The following GPHN variants were observed in gnomAD, a reference collection of about 807,000 sequenced individuals.
GPHN encodes the protein gephyrin.
Under a neutral mutation model 95.5 loss-of-function variants are expected in GPHN, and 17 were observed. The observed-to-expected ratio is 0.18, with a 90% confidence interval of 0.12 to 0.27. The LOEUF (loss-of-function observed/expected upper bound fraction) is 0.27. GPHN is among the 10% of genes least tolerant of loss of function. The pLI is 1.00. For missense variants in GPHN, 660 were observed against 978.1 expected, an observed-to-expected ratio of 0.67 and a Z score of 4.34; for synonymous variants, 320 against 322.5, an observed-to-expected ratio of 0.99 and a Z score of 0.08.
At chr14:67,224,768 A>G in the GPHN span, 1 of 250,594 alleles carries the variant, frequency 4.0e-6, no homozygotes, top group Non-Finnish European at 7.8e-6. Flanking sequence ...TTTCCTTCCT[A>G]CCCTTACCCA....
At chr14:66,747,061 CAT>C (rs1313808189) in intron 2 of GPHN, among the ~76,000 whole-genome samples, 1 of 152,186 alleles carries the variant, frequency 6.6e-6, no homozygotes, top group Non-Finnish European at 1.5e-5. Flanking sequence ...ACTCACACCA[CAT>C]AGTGCTCAGT....
In GPHN at chr14:66,895,456, A is replaced by G. The variant is rs374878292; in HGVS notation, c.389+15423A>G. Among the ~76,000 whole-genome samples the G allele has an allele frequency of 1.2e-4, 19 of 152,066 alleles. 1 individual carries two copies. The highest frequency in any genetic ancestry group is 1.2e-3 in the South Asian group (6 of 4,826). On this transcript the variant is annotated intron_variant, in intron 5 of 22. Transcript: ENST00000478722. ...AAACCAACATGGCACATGTATACAT[A>G]TGTAACAAACCTGCACATTGTGCAC...
At chr14:66,545,866 A>AC (rs1171652604) in intron 1 of GPHN, among the ~76,000 whole-genome samples, 14 of 127,876 alleles carry the variant, frequency 1.1e-4, no homozygotes, top group African/African-American at 2.2e-4. Flanking sequence ...CGGGGGGCTG[A>AC]CCCCCCCACC....
chr14:67,483,704 C>A, the GPHN span, among the ~76,000 whole-genome samples: 2 of 152,228 alleles, frequency 1.3e-5, no homozygotes, highest in Non-Finnish European at 2.9e-5. Flanking sequence ...CACCAGGACA[C>A]ACACAACCCA....
intron 5 of GPHN, among the ~76,000 whole-genome samples, chr14:66,906,655 G>A (rs778664464): frequency 1.3e-5 from 2 of 152,152 alleles, no homozygotes; most frequent in Non-Finnish European, 2.9e-5. Context: ...CTGTTGAGAG[G>A]AGTGAAGTCA....
intron 1 of GPHN, among the ~76,000 whole-genome samples, chr14:66,658,085 T>C (rs548764579): frequency 6.6e-6 from 1 of 152,284 alleles, no homozygotes; most frequent in South Asian, 2.1e-4. Context: ...AATAAAACTT[T>C]AGAAATTGAT....
chr14:66,800,529 G>C (rs1037416172), intron 3 of GPHN, among the ~76,000 whole-genome samples: 5 of 151,816 alleles, frequency 3.3e-5, no homozygotes, highest in African/African-American at 4.8e-5. Flanking sequence ...GGTTTCCACT[G>C]AAAAATCTGC....
chr14:67,188,162 AGGGAC>A, the GPHN span, among the ~76,000 whole-genome samples: 1 of 152,180 alleles, frequency 6.6e-6, no homozygotes, highest in Non-Finnish European at 1.5e-5. Flanking sequence ...CCATCTCATG[AGGGAC>A]AAAGAGGGCT....
intron 2 of GPHN, among the ~76,000 whole-genome samples, chr14:66,768,111 T>A (rs1032257814): frequency 1.3e-5 from 2 of 151,866 alleles, no homozygotes; most frequent in African/African-American, 4.8e-5. Flanking sequence ...TGAGGAAGAT[T>A]AAAGTTAACT....
intron 6 of GPHN, among the ~76,000 whole-genome samples, chr14:66,920,336 A>G (rs2066150344): frequency 2.0e-5 from 3 of 151,964 alleles, no homozygotes; most frequent in African/African-American, 7.2e-5. Context: ...ACAAGTTTTT[A>G]GAATGTATTT....
At chr14:67,374,963 T>G in the GPHN span, among the ~76,000 whole-genome samples, 45 of 152,218 alleles carry the variant, frequency 3.0e-4, no homozygotes, top group Non-Finnish European at 5.3e-4. Flanking sequence ...GACAACCAGC[T>G]GTTATATGTT....
chr14:66,516,961 C>G (rs1339452579), intron 1 of GPHN, among the ~76,000 whole-genome samples: 1 of 151,524 alleles, frequency 6.6e-6, no homozygotes, highest in East Asian at 1.9e-4. Flanking sequence ...GAAACCCCAC[C>G]TCTACTAAAA....
intron 9 of GPHN, among the ~76,000 whole-genome samples, chr14:66,967,957 T>A (rs1279461194): frequency 6.6e-6 from 1 of 151,894 alleles, no homozygotes; most frequent in Non-Finnish European, 1.5e-5. Context: ...GTGTCACCAA[T>A]CAAGAACTCT....
At chr14:66,603,759 A>C (rs1363353199) in intron 1 of GPHN, among the ~76,000 whole-genome samples, 1 of 152,012 alleles carries the variant, frequency 6.6e-6, no homozygotes, top group East Asian at 1.9e-4. Flanking sequence ...GTCACAAACA[A>C]AATTTTTAAT....
At chr14:66,922,569 A>T (rs910287556) in intron 6 of GPHN, 97 bp from the exon 7 acceptor site, 2 of 921,766 alleles carry the variant, frequency 2.2e-6, no homozygotes, top group African/African-American at 3.3e-5. Context: ...ATGGAGGAAA[A>T]TGCAAATCCA....
chr14:67,539,929 G>A, the GPHN span, among the ~76,000 whole-genome samples: 2 of 152,184 alleles, frequency 1.3e-5, no homozygotes, highest in Non-Finnish European at 2.9e-5. Context: ...TGTAGTGTAT[G>A]ATGGGAGAAA....
At chr14:67,006,894 C>T (rs908850067) in intron 9 of GPHN, among the ~76,000 whole-genome samples, 3 of 152,114 alleles carry the variant, frequency 2.0e-5, no homozygotes, top group Non-Finnish European at 2.9e-5. Context: ...TACTTTTGGT[C>T]AAATTAGGAC....
At chr14:67,067,064 G>C (rs931094885) in intron 11 of GPHN, among the ~76,000 whole-genome samples, 6 of 151,986 alleles carry the variant, frequency 3.9e-5, no homozygotes, top group African/African-American at 1.4e-4. Flanking sequence ...CCATCTTTGT[G>C]GTTTTATCTA....
At chr14:67,376,308 A>G in the GPHN span, 2 of 895,378 alleles carry the variant, frequency 2.2e-6, no homozygotes, top group South Asian at 1.9e-5. Flanking sequence ...ACTTAAAGTG[A>G]GTATTTCCCT....
Sources: allele counts gnomAD v4.1 joint callset (sites outside exome capture counted in the v4.1 genomes callset), GRCh38; gene constraint gnomAD v4.1.1; transcripts MANE v1.5; gene names NCBI Gene and HGNC (gene_info 2026-07-23, HGNC 2026-07-21).